EVL: variants seen among roughly 807,000 people sequenced by gnomAD.
EVL encodes ena/VASP-like protein.
EVL carries 21 observed loss-of-function variants against 59.6 expected under a neutral mutation model. The observed-to-expected ratio is 0.35, with a 90% confidence interval of 0.25 to 0.51. The LOEUF (loss-of-function observed/expected upper bound fraction) is 0.51, where lower values mean the gene tolerates loss of function less well. Among genes scored for constraint, EVL ranks in the 20% least tolerant of loss-of-function variants. EVL has a pLI of 0.97. For synonymous variants in EVL, 198 were observed against 203.5 expected, an observed-to-expected ratio of 0.97 and a Z score of 0.23; for missense variants, 462 against 546.6, an observed-to-expected ratio of 0.85 and a Z score of 1.54.
At chr14:100,083,129 C>T (rs892927874) in intron 1 of EVL, among the ~76,000 whole-genome samples, 2 of 152,184 alleles carry the variant, frequency 1.3e-5, no homozygotes, top group African/African-American at 2.4e-5. Context: ...ACTCAGATCC[C>T]TCTGATTTAA....
intron 1 of EVL, among the ~76,000 whole-genome samples, chr14:100,017,140 T>G (rs2061057427): frequency 6.6e-6 from 1 of 152,232 alleles, no homozygotes; most frequent in African/African-American, 2.4e-5. Context: ...GCCTCTGTCT[T>G]CTATTAGTAA....
intron 3 of EVL, among the ~76,000 whole-genome samples, chr14:100,100,137 T>C (rs930565205): frequency 1.3e-5 from 2 of 152,030 alleles, no homozygotes; most frequent in African/African-American, 2.4e-5. Context: ...AAGAAAGCCA[T>C]GCCGCATTAT....
chr14:99,991,089 C>T (rs1167443195), intron 1 of EVL, among the ~76,000 whole-genome samples: 1 of 152,114 alleles, frequency 6.6e-6, no homozygotes, highest in Non-Finnish European at 1.5e-5. Context: ...CTGCCACCCC[C>T]TGAGGCAGCA....
At chr14:100,046,577 G>A (rs1184401087) in intron 1 of EVL, among the ~76,000 whole-genome samples, 1 of 151,892 alleles carries the variant, frequency 6.6e-6, no homozygotes, top group Non-Finnish European at 1.5e-5. Context: ...TGAGGTGGGA[G>A]GGTTGCTTGA....
intron 1 of EVL, among the ~76,000 whole-genome samples, chr14:99,989,327 T>TA (rs2060860770): frequency 6.9e-6 from 1 of 145,958 alleles, no homozygotes. Flanking sequence ...CCGTGATACT[T>TA]ATTTAAGTCA....
chr14:100,143,650 C>T lies in EVL; in HGVS notation c.1220-51C>T, dbSNP rs549586377. On this transcript the variant is annotated intron_variant, in intron 13 of 13. Coordinates refer to ENST00000392920, the MANE Select transcript of EVL (RefSeq NM_016337.3). ...GGGGTGCGGGGCCCTGATGAGGAAC[C>T]GGGCTGCACTGGTCATGGCTGCACC... is the stretch of plus-strand genomic sequence containing the variant. 534 of 1,606,158 alleles carry T rather than the reference C, an allele frequency of 3.3e-4. 5 individuals carry two copies. In the East Asian group the frequency reaches 6.3e-3, roughly 19 times the overall value.
chr14:100,028,981 A>T (rs2061266982), intron 1 of EVL, among the ~76,000 whole-genome samples: 1 of 152,248 alleles, frequency 6.6e-6, no homozygotes, highest in Non-Finnish European at 1.5e-5. Flanking sequence ...CACATATAGC[A>T]AAAGGACTAT....
chr14:100,105,031 C>T (rs938178378), intron 3 of EVL, among the ~76,000 whole-genome samples: 5 of 151,450 alleles, frequency 3.3e-5, no homozygotes, highest in South Asian at 2.1e-4. Context: ...GACCTTGTGC[C>T]GGTCATGCCA....
chr14:100,073,320 CTT>C (rs368484673), intron 1 of EVL, among the ~76,000 whole-genome samples: 33 of 137,272 alleles, frequency 2.4e-4, no homozygotes, highest in African/African-American at 4.1e-4. Context: ...TTTCCTTTTT[CTT>C]TTTTTTTTTT....
chr14:100,069,996 G>A (rs1466220332), intron 1 of EVL, among the ~76,000 whole-genome samples: 4 of 150,316 alleles, frequency 2.7e-5, no homozygotes, highest in Non-Finnish European at 4.4e-5. Flanking sequence ...AGAGGCCAAC[G>A]CAGGTAGATC....
intron 1 of EVL, among the ~76,000 whole-genome samples, chr14:100,008,204 C>G (rs2060995590): frequency 1.3e-5 from 2 of 152,156 alleles, no homozygotes; most frequent in Admixed American, 1.3e-4. Context: ...TGCACTAATT[C>G]TGGGGCGGGA....
At chr14:100,103,616 C>T (rs1239637358) in intron 3 of EVL, among the ~76,000 whole-genome samples, 3 of 152,170 alleles carry the variant, frequency 2.0e-5, no homozygotes, top group Non-Finnish European at 4.4e-5. Flanking sequence ...TGTGGCCCCC[C>T]ATGCCCACCC....
At chr14:100,132,924 C>G in intron 8 of EVL, 145 bp downstream of exon 8, 1 of 892,274 alleles carries the variant, frequency 1.1e-6, no homozygotes. Flanking sequence ...CGGAGGGTCT[C>G]TGCGGTGCTT....
chr14:100,107,091 G>A (rs1361073113), intron 3 of EVL: 2 of 398,578 alleles, frequency 5.0e-6, no homozygotes, highest in Admixed American at 4.4e-5. Context: ...CACATGACAC[G>A]AAGATGCCCG....
chr14:99,971,769 A>AGGCACGCGCCCGCGCACACGCCGGCCCG (rs995966285), exon 1 of EVL: 2 of 74,700 alleles, frequency 2.7e-5, no homozygotes, highest in Non-Finnish European at 5.2e-5. Context: ...GGCGGCCCCC[A>AGGCACGCGCCCGCGCACACGCCGGCCCG]GGCACGCGCC....
intron 2 of EVL, 129 bp downstream of exon 2, chr14:100,084,984 C>T: frequency 2.0e-6 from 2 of 1,004,686 alleles, no homozygotes; most frequent in Admixed American, 5.4e-5. Flanking sequence ...AGGACCTGGG[C>T]TCAGATTTTG....
intron 3 of EVL, among the ~76,000 whole-genome samples, chr14:100,122,342 C>T (rs1887754437): frequency 6.6e-6 from 1 of 152,210 alleles, no homozygotes; most frequent in African/African-American, 2.4e-5. Flanking sequence ...GCCATTTAGC[C>T]TTTCTGGGCC....
At chr14:100,079,917 C>T (rs899056839) in intron 1 of EVL, among the ~76,000 whole-genome samples, 2 of 152,146 alleles carry the variant, frequency 1.3e-5, no homozygotes, top group African/African-American at 4.8e-5. Context: ...TCCTGAGTAG[C>T]TGGGACTACA....
chr14:100,143,751 G>T lies in EVL; in HGVS notation c.*13G>T. ...CAGCACCACGTAAGGGGCCGGCCTCGCTGCGCTGATTCGTCGAGCCCATCC... is the reference window on the plus strand; with the variant it reads ...CAGCACCACGTAAGGGGCCGGCCTCTCTGCGCTGATTCGTCGAGCCCATCC... On this transcript the variant is annotated 3_prime_UTR_variant, in exon 14 of 14. Transcript: ENST00000392920. 1.9e-6 allele frequency: 3 copies of T among 1,611,662 alleles called. No individual in the cohort carries two copies. Among genetic ancestry groups the T allele is most frequent in the Non-Finnish European group, 2.5e-6 (3 of 1,179,442 alleles).
Sources: gnomAD v4.1 joint callset for allele counts (sites outside exome capture counted in the v4.1 genomes callset) on GRCh38, gnomAD v4.1.1 for gene constraint, MANE v1.5 for transcripts, NCBI Gene and HGNC (gene_info 2026-07-23, HGNC 2026-07-21) for gene names.